The following YARS1 variants were observed in gnomAD, a reference collection of about 807,000 sequenced individuals.
The protein encoded by YARS1 is tyrosine--tRNA ligase, cytoplasmic.
Under a neutral mutation model 62.2 loss-of-function variants are expected in YARS1, and 36 were observed. That is an observed-to-expected ratio of 0.58 (90% CI 0.44 to 0.76). The LOEUF is 0.76. YARS1 is among the 30% of genes least tolerant of loss of function. The pLI, the probability that YARS1 is intolerant of heterozygous loss-of-function variation, is 0.00. For synonymous variants in YARS1, 234 were observed against 244.9 expected (o/e 0.96, Z 0.42); for missense variants, 524 against 639.8 (o/e 0.82, Z 1.95).
intron 6 of YARS1, among the ~76,000 whole-genome samples, chr1:32,790,045 G>C (rs1653362735): frequency 1.3e-5 from 2 of 150,410 alleles, no homozygotes; most frequent in Admixed American, 1.3e-4. Flanking sequence ...CACCACGACT[G>C]GCTAATTTTT....
chr1:32,812,564 T>C (rs1199887763), intron 1 of YARS1, among the ~76,000 whole-genome samples: 1 of 152,258 alleles, frequency 6.6e-6, no homozygotes, highest in Admixed American at 6.5e-5. Flanking sequence ...GAGAAATCTC[T>C]TCCCCACACT....
intron 5 of YARS1, among the ~76,000 whole-genome samples, chr1:32,797,172 G>A (rs1653631096): frequency 6.7e-6 from 1 of 150,104 alleles, no homozygotes; most frequent in South Asian, 2.1e-4. Context: ...AGGGGTTTGA[G>A]ACCTGCCTGG....
intron 8 of YARS1, chr1:32,783,767 G>C (rs1653134151): frequency 6.6e-6 from 1 of 152,122 alleles, no homozygotes; most frequent in Admixed American, 6.6e-5. Context: ...TTTAATAAAA[G>C]CTCTAGGGCT....
At position 32,798,745 on chromosome 1, in the gene YARS1, C is replaced by T. The variant is rs543470924; in HGVS notation, c.511-902G>A. ...GCTGAGGTAGGAGGATCACCTAAGC[C>T]CAGAGAGGTCGTGGCTGCGGTGAGC... On this transcript the variant is annotated intron_variant, in intron 4 of 12. Transcript: ENST00000373477. 4.6e-5 allele frequency among the ~76,000 whole-genome samples: 7 copies of T among 152,234 alleles called. No homozygotes were observed. The East Asian group carries it at 7.7e-4, about 17-fold the overall frequency.
intron 4 of YARS1, among the ~76,000 whole-genome samples, chr1:32,805,419 G>A (rs893201912): frequency 2.0e-5 from 3 of 152,112 alleles, no homozygotes; most frequent in Non-Finnish European, 4.4e-5. Flanking sequence ...TTAGATTAAG[G>A]TAACATTGTG....
chr1:32,786,506 A>G (rs1653234928), intron 7 of YARS1, 59 bp from the exon 8 acceptor site: 3 of 1,020,444 alleles, frequency 2.9e-6, no homozygotes, highest in Admixed American at 2.2e-5. Context: ...GCTCACATGC[A>G]TGACTATTCC....
rs1363933060 is a variant in YARS1 at position 32,805,229 on chromosome 1, G to GGGGAGA, written c.510+1252_510+1253insTCTCCC. On this transcript the variant is annotated intron_variant, in intron 4 of 12. Transcript: ENST00000373477. ...AGAGGGAGACGGTGGAAAGGGGAGA[G>GGGGAGA]GGGGAGAGGGGGAGAGGGGGAGAGG... is the stretch of plus-strand genomic sequence containing the variant. Among the ~76,000 whole-genome samples, 17 of 6,068 alleles carry GGGGAGA rather than the reference G, an allele frequency of 2.8e-3. 1 individual carries two copies. In the East Asian group the frequency reaches 0.062, roughly 22 times the overall value. 4.0% of individuals were successfully genotyped at this position (6,068 alleles called of 152,430 possible). A position where few individuals can be genotyped will look rare whatever the true frequency, so the allele number is the denominator to read the frequency against.
chr1:32,793,672 T>C (rs1395272636), intron 5 of YARS1, among the ~76,000 whole-genome samples: 2 of 151,868 alleles, frequency 1.3e-5, no homozygotes, highest in Non-Finnish European at 2.9e-5. Context: ...CATAGTAAAA[T>C]TGCTGAAAAT....
rs530955329 is a variant in YARS1 at position 32,802,359 on chromosome 1, T to C, written c.510+4123A>G. Among the ~76,000 whole-genome samples, 351 of 152,296 alleles carry C rather than the reference T, an allele frequency of 2.3e-3. 1 individual carries two copies. Among genetic ancestry groups the C allele is most frequent in the Non-Finnish European group, 4.4e-3 (299 of 68,010 alleles). On this transcript the variant is annotated intron_variant, in intron 4 of 12. Transcript: ENST00000373477. ...CACTTCTTCCAAACTTCTGTTAATA[T>C]GGATATTTTTACTTCCTCCCATGAA... is the stretch of plus-strand genomic sequence containing the variant.
In YARS1 at chr1:32,787,518, T is replaced by C. The variant is rs2148604409; in HGVS notation, c.685-443A>G. Among the ~76,000 whole-genome samples the C allele has an allele frequency of 2.0e-5, 3 of 150,340 alleles. No individual in the cohort carries two copies. In the Middle Eastern group the frequency reaches 0.011, roughly 545 times the overall value. The stretch of plus-strand genomic sequence containing the variant: ...TAAAAATAAATAAATAAAGATTTTT[T>C]TTTTTTTTTGAGACGGAGTCTCACT... On this transcript the variant is annotated intron_variant, in intron 6 of 12. Transcript: ENST00000373477.
intron 9 of YARS1, 173 bp downstream of exon 9, chr1:32,782,231 C>T (rs1301001526): frequency 9.0e-7 from 1 of 1,106,472 alleles, no homozygotes; most frequent in South Asian, 1.5e-5. Context: ...TGATGTTAAC[C>T]AAACCCAAAT....
At chr1:32,785,084 T>C (rs1015283035) in intron 8 of YARS1, among the ~76,000 whole-genome samples, 1 of 152,196 alleles carries the variant, frequency 6.6e-6, no homozygotes, top group South Asian at 2.1e-4. Flanking sequence ...TATATTAGCA[T>C]TGTACCATTT....
intron 1 of YARS1, among the ~76,000 whole-genome samples, chr1:32,811,928 C>A (rs966993420): frequency 6.6e-6 from 1 of 152,160 alleles, no homozygotes; most frequent in Non-Finnish European, 1.5e-5. Flanking sequence ...TTTTGGCCAA[C>A]AGGATCCCAA....
intron 5 of YARS1, among the ~76,000 whole-genome samples, chr1:32,796,820 C>T (rs1410246980): frequency 6.7e-6 from 1 of 149,518 alleles, no homozygotes; most frequent in Non-Finnish European, 1.5e-5. Flanking sequence ...TAAAAATTAC[C>T]TAGGCATGGT....
intron 12 of YARS1, among the ~76,000 whole-genome samples, chr1:32,777,309 G>A (rs1203519507): frequency 4.6e-5 from 7 of 151,618 alleles, no homozygotes; most frequent in Admixed American, 2.0e-4. Context: ...GATTACAGGC[G>A]TGAGAGAAAT....
At chr1:32,817,145 G>T in intron 1 of YARS1, 43 bp downstream of exon 1, 4 of 1,611,396 alleles carry the variant, frequency 2.5e-6, no homozygotes, top group Non-Finnish European at 3.4e-6. Context: ...TGAACCTCGG[G>T]CTCCTAATCC....
chr1:32,790,280 G>A (rs547656979), intron 6 of YARS1, among the ~76,000 whole-genome samples: 34 of 148,260 alleles, frequency 2.3e-4, no homozygotes, highest in Admixed American at 4.0e-4. Context: ...AGGCTGAGGT[G>A]GGTGGATCAC....
At chr1:32,778,736 C>CTTTTTTTTTTT (rs67504155) in intron 12 of YARS1, among the ~76,000 whole-genome samples, 9 of 120,062 alleles carry the variant, frequency 7.5e-5, no homozygotes, top group African/African-American at 1.3e-4. Flanking sequence ...CTTTTCTTTT[C>CTTTTTTTTTTT]TTTTTTTTTT....
intron 4 of YARS1, chr1:32,798,060 C>A: frequency 2.0e-6 from 1 of 498,592 alleles, no homozygotes; most frequent in South Asian, 2.0e-5. Flanking sequence ...TTAGTAGAGA[C>A]AACGTTTTGC....
Sources: gnomAD v4.1 joint callset for allele counts (sites outside exome capture counted in the v4.1 genomes callset) on GRCh38, gnomAD v4.1.1 for gene constraint, MANE v1.5 for transcripts, NCBI Gene and HGNC (gene_info 2026-07-23, HGNC 2026-07-21) for gene names.